The following WDR1 variants were observed in gnomAD, a reference collection of about 807,000 sequenced individuals.
WDR1 encodes the protein WD repeat domain 1, also known as WD repeat-containing protein 1.
Under a neutral mutation model 71.9 loss-of-function variants are expected in WDR1, and 21 were observed. That is an observed-to-expected ratio of 0.29 (90% CI 0.21 to 0.42). The LOEUF (loss-of-function observed/expected upper bound fraction) is 0.42. WDR1 is among the 10% of genes least tolerant of loss of function. The pLI is 1.00. For missense variants in WDR1, 696 were observed against 824.5 expected (o/e 0.84, Z 1.91); for synonymous variants, 424 against 347.4 (o/e 1.22, Z -2.45).
intron 5 of WDR1, chr4:10,096,698 A>C (rs565663255): frequency 6.6e-6 from 1 of 152,298 alleles, no homozygotes; most frequent in South Asian, 2.1e-4. Context: ...TCATGGCATG[A>C]TGTCACTAAA....
chr4:10,096,297 G>A (rs1448435475), intron 5 of WDR1: 3 of 152,232 alleles, frequency 2.0e-5, no homozygotes, highest in Admixed American at 1.3e-4. Flanking sequence ...GGCTGAGATG[G>A]GGTGTGCAGC....
At chr4:10,103,295 C>G (rs201441744) in intron 3 of WDR1, among the ~76,000 whole-genome samples, 21 of 89,580 alleles carry the variant, frequency 2.3e-4, no homozygotes, top group African/African-American at 2.1e-3. Flanking sequence ...CACAGACACA[C>G]ACACACACAC....
chr4:10,106,781 A>C (rs1413030441), intron 2 of WDR1, among the ~76,000 whole-genome samples: 1 of 152,176 alleles, frequency 6.6e-6, no homozygotes, highest in Non-Finnish European at 1.5e-5. Context: ...GAGATACTCC[A>C]AACTGCAGAT....
At chr4:10,103,267 TACACACACAC>T (rs5856031) in intron 3 of WDR1, among the ~76,000 whole-genome samples, 4 of 142,910 alleles carry the variant, frequency 2.8e-5, no homozygotes, top group African/African-American at 1.0e-4. Context: ...CATTCACACA[TACACACACAC>T]ACACACACAC....
At chr4:10,094,742 T>A (rs1274897128) in intron 5 of WDR1, 1 of 152,214 alleles carries the variant, frequency 6.6e-6, no homozygotes, top group Non-Finnish European at 1.5e-5. Flanking sequence ...CCAGGCCAAA[T>A]GTTCCTCCAC....
intron 2 of WDR1, among the ~76,000 whole-genome samples, chr4:10,104,652 C>A (rs568603985): frequency 6.6e-6 from 1 of 152,274 alleles, no homozygotes; most frequent in South Asian, 2.1e-4. Context: ...AAAAGTAGAT[C>A]CCTGCGCCTC....
At chr4:10,115,046 C>G (rs1713625034) in intron 2 of WDR1, among the ~76,000 whole-genome samples, 1 of 152,244 alleles carries the variant, frequency 6.6e-6, no homozygotes. Flanking sequence ...GTCCGATCAA[C>G]AGTCCCAACC....
At chr4:10,085,351 C>G (rs1765170284) in intron 8 of WDR1, among the ~76,000 whole-genome samples, 1 of 152,266 alleles carries the variant, frequency 6.6e-6, no homozygotes, top group Non-Finnish European at 1.5e-5. Flanking sequence ...TCCTTGGAGA[C>G]AGGTACACAG....
chr4:10,101,089 C>A (rs1712656360), intron 3 of WDR1, among the ~76,000 whole-genome samples: 1 of 152,254 alleles, frequency 6.6e-6, no homozygotes, highest in African/African-American at 2.4e-5. Flanking sequence ...CGCCAACTCC[C>A]AAGGGCAGCC....
chr4:10,103,879 T>C lies in WDR1; in HGVS notation c.229+17A>G, dbSNP rs1453144456. On this transcript the variant is annotated intron_variant, in intron 3 of 14. Coordinates refer to ENST00000499869, the MANE Select transcript of WDR1 (RefSeq NM_017491.5). ...AGGCCCCCACAGGTGTCCACGAGCCTTGCCCCCATACAGTACCTCCGGAGG... is the reference window on the plus strand; with the variant it reads ...AGGCCCCCACAGGTGTCCACGAGCCCTGCCCCCATACAGTACCTCCGGAGG... 19 of 1,457,326 alleles carry C rather than the reference T, an allele frequency of 1.3e-5. No homozygotes were observed. Among genetic ancestry groups the C allele is most frequent in the Non-Finnish European group, 1.7e-5 (19 of 1,087,422 alleles). The allele number at this position is 1,457,326 out of a possible 1,614,324, so 90.3% of individuals were successfully genotyped here.
intron 2 of WDR1, among the ~76,000 whole-genome samples, chr4:10,107,656 C>A (rs1029969343): frequency 2.6e-5 from 4 of 152,222 alleles, no homozygotes; most frequent in African/African-American, 9.6e-5. Flanking sequence ...CACCTGGGGG[C>A]TAGGGCCTGT....
intron 2 of WDR1, among the ~76,000 whole-genome samples, chr4:10,110,538 C>G (rs1560547572): frequency 6.6e-6 from 1 of 152,200 alleles, no homozygotes; most frequent in Non-Finnish European, 1.5e-5. Flanking sequence ...CCTGGTTTCT[C>G]CCCACCTCTG....
chr4:10,079,629 C>A (rs373334554), intron 11 of WDR1, among the ~76,000 whole-genome samples: 1 of 152,232 alleles, frequency 6.6e-6, no homozygotes, highest in South Asian at 2.1e-4. Flanking sequence ...TTCTAACTTA[C>A]TCAACTGCTC....
chr4:10,093,179 A>G, intron 5 of WDR1: 1 of 1,287,266 alleles, frequency 7.8e-7, no homozygotes, highest in South Asian at 1.2e-5. Context: ...CTACCTAGTC[A>G]GCTCAGGAAC....
chr4:10,079,280 C>G (rs1418822217), intron 11 of WDR1, among the ~76,000 whole-genome samples: 1 of 152,252 alleles, frequency 6.6e-6, no homozygotes, highest in Admixed American at 6.5e-5. Context: ...AGCACCACCT[C>G]TTGGAAAGTC....
intron 2 of WDR1, among the ~76,000 whole-genome samples, chr4:10,106,857 T>G (rs1270859978): frequency 2.6e-5 from 4 of 152,054 alleles, no homozygotes; most frequent in African/African-American, 9.7e-5. Flanking sequence ...GGAGGCTGCT[T>G]ACTACACCCA....
At chr4:10,081,989 G>A (rs1317070603) in intron 10 of WDR1, among the ~76,000 whole-genome samples, 1 of 152,226 alleles carries the variant, frequency 6.6e-6, no homozygotes, top group Non-Finnish European at 1.5e-5. Context: ...ACTCGGCCAA[G>A]TGTGGCATCC....
intron 12 of WDR1, 22 bp downstream of exon 12, chr4:10,078,869 G>T: frequency 6.3e-7 from 1 of 1,597,244 alleles, no homozygotes; most frequent in Admixed American, 1.7e-5. Flanking sequence ...CAGAGAGCAC[G>T]GGGGAGAGGA....
At chr4:10,088,853 G>C in intron 5 of WDR1, 112 bp from the exon 6 acceptor site, 1 of 832,518 alleles carries the variant, frequency 1.2e-6, no homozygotes, top group East Asian at 2.7e-5. Context: ...AGTGTGAACT[G>C]TTAGTCCACT....
Sources: allele counts gnomAD v4.1 joint callset (sites outside exome capture counted in the v4.1 genomes callset), GRCh38; gene constraint gnomAD v4.1.1; transcripts MANE v1.5; gene names NCBI Gene and HGNC (gene_info 2026-07-23, HGNC 2026-07-21).